CAMTA1: variants seen among roughly 807,000 people sequenced by gnomAD.
CAMTA1 encodes calmodulin binding transcription activator 1.
Under a neutral mutation model 170.9 loss-of-function variants are expected in CAMTA1, and 27 were observed. The observed-to-expected ratio is 0.16, with a 90% CI of 0.12 to 0.22. CAMTA1 has a LOEUF of 0.22. Ranked by LOEUF, CAMTA1 falls within the 10% of genes least tolerant of loss-of-function variation. The pLI, the probability that CAMTA1 is intolerant of heterozygous loss-of-function variation, is 1.00. For synonymous variants in CAMTA1, 833 were observed against 891.5 expected, an observed-to-expected ratio of 0.93 and a Z score of 1.17; for missense variants, 1,619 against 2,217.2, an observed-to-expected ratio of 0.73 and a Z score of 5.42.
chr1:7,204,363 G>T (rs1386688998), intron 4 of CAMTA1, among the ~76,000 whole-genome samples: 2 of 152,010 alleles, frequency 1.3e-5, no homozygotes. Flanking sequence ...GGTATGTTGT[G>T]TCTTCATGTT....
At chr1:7,431,660 G>A (rs1049836558) in intron 5 of CAMTA1, among the ~76,000 whole-genome samples, 26 of 152,260 alleles carry the variant, frequency 1.7e-4, no homozygotes, top group Middle Eastern at 3.4e-3. Context: ...CTGCCGTGGC[G>A]CCGCTCAAGC....
chr1:7,257,313 C>T (rs536510309), intron 5 of CAMTA1, among the ~76,000 whole-genome samples: 1 of 152,292 alleles, frequency 6.6e-6, no homozygotes, highest in African/African-American at 2.4e-5. Flanking sequence ...CTCATTTCAT[C>T]CACGGTCTGC....
chr1:6,825,964 A>G (rs1355215197), intron 3 of CAMTA1, among the ~76,000 whole-genome samples: 1 of 152,162 alleles, frequency 6.6e-6, no homozygotes, highest in South Asian at 2.1e-4. Context: ...ATATTCCTTT[A>G]ATTCAGATGG....
intron 4 of CAMTA1, among the ~76,000 whole-genome samples, chr1:7,130,874 A>G (rs148293573): frequency 9.2e-5 from 14 of 152,240 alleles, no homozygotes; most frequent in Admixed American, 7.2e-4. Flanking sequence ...GAGTTGTAAA[A>G]GTTCTTTGCA....
chr1:7,053,864 C>T (rs946273521), intron 3 of CAMTA1, among the ~76,000 whole-genome samples: 1 of 152,214 alleles, frequency 6.6e-6, no homozygotes, highest in Non-Finnish European at 1.5e-5. Context: ...ATGAATGCTG[C>T]GTGGAATCTG....
In CAMTA1 at chr1:7,634,236, AG is replaced by A. The variant is rs1558032764; in HGVS notation, c.511-6159del. On this transcript the variant is annotated intron_variant, in intron 6 of 22. Coordinates refer to ENST00000303635, the MANE Select transcript of CAMTA1 (RefSeq NM_015215.4). The surrounding 1 kb of genome is among the most constrained non-coding windows in gnomAD (Gnocchi z 6.2). ...AGGATCAGACTTGGTCATTGCAGGC[AG>A]GGGGTATATGGGAGGATTAGGCTTC... Among the ~76,000 whole-genome samples the A allele has an allele frequency of 2.0e-5, 3 of 152,098 alleles. No individual in the cohort carries two copies. The highest frequency in any genetic ancestry group is 1.3e-4 in the Admixed American group (2 of 15,266).
At chr1:7,244,515 G>A (rs1019066254) in intron 4 of CAMTA1, among the ~76,000 whole-genome samples, 1 of 152,166 alleles carries the variant, frequency 6.6e-6, no homozygotes, top group African/African-American at 2.4e-5. Flanking sequence ...TGACAGACTG[G>A]ATTAAGAAAA....
In CAMTA1 at chr1:7,290,471, C is replaced by T. The variant is rs558410737; in HGVS notation, c.438+40845C>T. The stretch of plus-strand genomic sequence containing the variant: ...TTCCACCTGGGCAGGGGACACCTGC[C>T]TTCAGTGAGAGTAACTCGGGGCCTG... On this transcript the variant is annotated intron_variant, in intron 5 of 22. Coordinates refer to ENST00000303635, the MANE Select transcript of CAMTA1 (RefSeq NM_015215.4). Among the ~76,000 whole-genome samples, 8 of 152,276 alleles carry T rather than the reference C, an allele frequency of 5.3e-5. No individual in the cohort carries two copies. The South Asian group carries it at 1.7e-3, about 32-fold the overall frequency.
At chr1:6,907,857 G>A (rs1448081625) in intron 3 of CAMTA1, among the ~76,000 whole-genome samples, 1 of 152,134 alleles carries the variant, frequency 6.6e-6, no homozygotes, top group Non-Finnish European at 1.5e-5. Flanking sequence ...CTCAGACCTG[G>A]CGCAGTTCCA....
Position 6,854,947 on chromosome 1 carries a change from G to A in CAMTA1, c.234+29737G>A, listed in dbSNP as rs550711864. On this transcript the variant is annotated intron_variant, in intron 3 of 22. Transcript: ENST00000303635. ...GTTGGAAGTTTTCTTTTGAGACAGG[G>A]AAAGAGAAGTTGTTTTCACTGTCAC... Among the ~76,000 whole-genome samples, 59 of 152,282 alleles carry A rather than the reference G, an allele frequency of 3.9e-4. 2 individuals are homozygous for A. Among genetic ancestry groups the A allele is most frequent in the South Asian group, 3.3e-3 (16 of 4,822 alleles).
At chr1:7,164,222 G>A (rs1647889207) in intron 4 of CAMTA1, among the ~76,000 whole-genome samples, 1 of 152,212 alleles carries the variant, frequency 6.6e-6, no homozygotes, top group African/African-American at 2.4e-5. Flanking sequence ...AACAAGGCAT[G>A]CAATATTGAC....
chr1:7,504,708 C>T (rs1437494271), intron 6 of CAMTA1, among the ~76,000 whole-genome samples: 3 of 152,262 alleles, frequency 2.0e-5, no homozygotes, highest in Admixed American at 6.5e-5. Flanking sequence ...AGTGGTCCTC[C>T]ATGTTTTTCC....
At position 7,543,110 on chromosome 1, in the gene CAMTA1, G is replaced by A. The variant is rs1330172696; in HGVS notation, c.510+75209G>A. On this transcript the variant is annotated intron_variant, in intron 6 of 22. Coordinates refer to ENST00000303635, the MANE Select transcript of CAMTA1 (RefSeq NM_015215.4). ...TCTCGAACTCCTGACCTCGTAATCC[G>A]CCCACCTCGGCCTCCCAAAGTGCTG... Among the ~76,000 whole-genome samples, 3 of 151,996 alleles carry A rather than the reference G, an allele frequency of 2.0e-5. No individual in the cohort carries two copies. In the East Asian group the frequency reaches 5.8e-4, roughly 30 times the overall value.
intron 1 of CAMTA1, among the ~76,000 whole-genome samples, chr1:6,798,259 A>T (rs1014581981): frequency 3.3e-5 from 5 of 152,132 alleles, no homozygotes; most frequent in Admixed American, 1.3e-4. Flanking sequence ...AAGTGCTGGG[A>T]TTACAGGTGT....
At chr1:7,070,959 G>C (rs1001091802) in intron 3 of CAMTA1, among the ~76,000 whole-genome samples, 1 of 152,202 alleles carries the variant, frequency 6.6e-6, no homozygotes, top group African/African-American at 2.4e-5. Flanking sequence ...GTGTGTTTTG[G>C]GGCAAGAGGA....
At chr1:7,712,120 G>A (rs2096575201) in intron 11 of CAMTA1, among the ~76,000 whole-genome samples, 2 of 152,132 alleles carry the variant, frequency 1.3e-5, no homozygotes, top group Non-Finnish European at 2.9e-5. Flanking sequence ...TATATATTAA[G>A]TGATGCTGCT....
chr1:7,125,162 C>T (rs745779130), intron 4 of CAMTA1, among the ~76,000 whole-genome samples: 9 of 152,252 alleles, frequency 5.9e-5, no homozygotes, highest in East Asian at 1.9e-4. Context: ...GAGGAGGGCA[C>T]GCTGAGCCAA....
intron 3 of CAMTA1, among the ~76,000 whole-genome samples, chr1:7,048,092 G>A (rs1310014090): frequency 2.6e-5 from 4 of 152,138 alleles, no homozygotes; most frequent in African/African-American, 4.8e-5. Context: ...CTGGCCAGGC[G>A]AGGGGAGGGG....
chr1:7,332,203 T>C (rs2083078130), intron 5 of CAMTA1, among the ~76,000 whole-genome samples: 1 of 152,172 alleles, frequency 6.6e-6, no homozygotes, highest in Non-Finnish European at 1.5e-5. Context: ...GTCAGGAGAC[T>C]CATAAAGAAG....
Sources: allele counts gnomAD v4.1 joint callset (sites outside exome capture counted in the v4.1 genomes callset), GRCh38; gene constraint gnomAD v4.1.1; non-coding constraint Gnocchi (gnomAD v3.1); transcripts MANE v1.5; gene names NCBI Gene and HGNC (gene_info 2026-07-23, HGNC 2026-07-21).